The following HIVEP3 variants were observed in gnomAD, a reference collection of about 807,000 sequenced individuals.
HIVEP3 encodes transcription factor HIVEP3.
HIVEP3 carries 49 observed loss-of-function variants against 152.8 expected under a neutral mutation model. That is an observed-to-expected ratio of 0.32 (90% CI 0.26 to 0.41). The LOEUF (loss-of-function observed/expected upper bound fraction) is 0.41, where lower values mean the gene tolerates loss of function less well. Ranked by LOEUF, HIVEP3 falls within the 10% of genes least tolerant of loss-of-function variation. The pLI, the probability that HIVEP3 is intolerant of heterozygous loss-of-function variation, is 1.00. For missense variants in HIVEP3, 2,790 were observed against 3,103.3 expected (o/e 0.90, Z 2.40); for synonymous variants, 1,269 against 1,289.0 (o/e 0.98, Z 0.33).
At chr1:41,588,444 C>T (rs1177372624) in intron 3 of HIVEP3, among the ~76,000 whole-genome samples, 1 of 152,136 alleles carries the variant, frequency 6.6e-6, no homozygotes, top group African/African-American at 2.4e-5. Context: ...GCCTTCTCCC[C>T]TCACTGAGCC....
At chr1:41,866,140 C>G (rs540568019) in intron 1 of HIVEP3, among the ~76,000 whole-genome samples, 1 of 152,176 alleles carries the variant, frequency 6.6e-6, no homozygotes, top group Non-Finnish European at 1.5e-5. Context: ...TCTTCAGCAC[C>G]CTTTACACCA....
intron 1 of HIVEP3, among the ~76,000 whole-genome samples, chr1:41,952,865 T>C (rs1645116672): frequency 6.6e-6 from 1 of 152,212 alleles, no homozygotes; most frequent in Admixed American, 6.5e-5. Flanking sequence ...TTTTTTAGTA[T>C]ACAAGTCAAA....
chr1:41,651,901 C>T (rs1411789995), intron 2 of HIVEP3, among the ~76,000 whole-genome samples: 1 of 152,146 alleles, frequency 6.6e-6, no homozygotes, highest in Non-Finnish European at 1.5e-5. Flanking sequence ...TGTGTACTAT[C>T]TGTTTATCTT....
intron 1 of HIVEP3, among the ~76,000 whole-genome samples, chr1:41,908,275 A>T (rs1557510205): frequency 6.6e-6 from 1 of 152,196 alleles, no homozygotes; most frequent in Non-Finnish European, 1.5e-5. Context: ...CAGCTTTCTC[A>T]ATTTACTAAG....
At chr1:41,553,122 T>C (rs1643914249) in intron 5 of HIVEP3, among the ~76,000 whole-genome samples, 2 of 152,206 alleles carry the variant, frequency 1.3e-5, no homozygotes, top group Admixed American at 6.5e-5. Context: ...ATTATTATTG[T>C]GAGGGAGTCT....
intron 2 of HIVEP3, among the ~76,000 whole-genome samples, chr1:41,652,069 C>T (rs1039782399): frequency 4.6e-5 from 7 of 152,146 alleles, no homozygotes; most frequent in Non-Finnish European, 8.8e-5. Flanking sequence ...CTCAAAGCCC[C>T]GAGAGGTGGT....
chr1:42,000,846 C>A (rs1006054053), intron 1 of HIVEP3, among the ~76,000 whole-genome samples: 4 of 152,166 alleles, frequency 2.6e-5, no homozygotes, highest in African/African-American at 9.7e-5. Flanking sequence ...ATAAGAGTCA[C>A]CTGTTTTAGC....
At chr1:41,681,227 G>A (rs551156443) in intron 2 of HIVEP3, among the ~76,000 whole-genome samples, 1 of 152,112 alleles carries the variant, frequency 6.6e-6, no homozygotes, top group East Asian at 1.9e-4. Flanking sequence ...CTGAGTAGCT[G>A]GGACTACAGG....
chr1:41,522,465 C>A (rs905964848), intron 6 of HIVEP3, among the ~76,000 whole-genome samples: 1 of 152,216 alleles, frequency 6.6e-6, no homozygotes. Context: ...GAGCTCAGGG[C>A]ACTGCTTGAT....
At chr1:41,818,909 C>T (rs1231551819) in intron 1 of HIVEP3, among the ~76,000 whole-genome samples, 2 of 152,134 alleles carry the variant, frequency 1.3e-5, no homozygotes, top group East Asian at 3.8e-4. Context: ...AATTCTGGGG[C>T]AACCTTAACT....
At chr1:41,553,319 A>G (rs576514544) in intron 5 of HIVEP3, among the ~76,000 whole-genome samples, 8 of 151,884 alleles carry the variant, frequency 5.3e-5, no homozygotes, top group Non-Finnish European at 1.2e-4. Context: ...TAGGATTGCA[A>G]CCCCTGCTTT....
At chr1:41,974,821 G>C (rs942191783) in intron 1 of HIVEP3, among the ~76,000 whole-genome samples, 1 of 151,988 alleles carries the variant, frequency 6.6e-6, no homozygotes, top group African/African-American at 2.4e-5. Context: ...AGTCACCATA[G>C]CTTCAGCATC....
rs993312750 is a variant in HIVEP3 at position 42,032,303 on chromosome 1, C to T, written n.119+3504G>A. Among the ~76,000 whole-genome samples the T allele has an allele frequency of 5.9e-5, 9 of 152,146 alleles. No individual in the cohort carries two copies. In the East Asian group the frequency reaches 9.6e-4, roughly 16 times the overall value. On this transcript the variant is annotated intron_variant and non_coding_transcript_variant, in intron 1 of 3. Coordinates refer to the HIVEP3 transcript ENST00000489103. ...AGTCAGAAAGACTCACTGGTGCAGGCGCCATCTCACTGCCACCTCCTTCAC... is the reference window on the plus strand; with the variant it reads ...AGTCAGAAAGACTCACTGGTGCAGGTGCCATCTCACTGCCACCTCCTTCAC...
intron 1 of HIVEP3, among the ~76,000 whole-genome samples, chr1:42,010,903 C>A (rs3845574): frequency 0.68 from 103,140 of 151,842 alleles, 35,670 homozygotes; most frequent in East Asian, 0.96. Flanking sequence ...ACCACTGTTT[C>A]AAAGCTCACT....
rs914575924 is a variant in HIVEP3, at chr1:41,731,977, G to A, written c.-800-30982C>T. ...TCCCCTGACCGAGTGTTTCTCTATG[G>A]AAGGGTCTGGCATGGAACCAGGCCC... On this transcript the variant is annotated intron_variant, in intron 1 of 8. Transcript: ENST00000372583. Among the ~76,000 whole-genome samples, 4 of 152,262 alleles carry A rather than the reference G, an allele frequency of 2.6e-5. No individual in the cohort carries two copies. In the South Asian group the frequency reaches 8.3e-4, roughly 31 times the overall value.
chr1:41,652,907 G>T (rs1570230201), intron 2 of HIVEP3, among the ~76,000 whole-genome samples: 1 of 152,238 alleles, frequency 6.6e-6, no homozygotes, highest in African/African-American at 2.4e-5. Context: ...TTTGTCACAT[G>T]AGCTTGGTTA....
intron 1 of HIVEP3, among the ~76,000 whole-genome samples, chr1:41,974,908 C>G (rs1191249076): frequency 2.0e-5 from 3 of 152,134 alleles, no homozygotes; most frequent in African/African-American, 7.2e-5. Flanking sequence ...CTCCACGCAA[C>G]CTGCCCTTCA....
At chr1:41,756,286 G>A (rs2124233711) in intron 1 of HIVEP3, among the ~76,000 whole-genome samples, 1 of 152,302 alleles carries the variant, frequency 6.6e-6, no homozygotes. Flanking sequence ...CTGGGGGATG[G>A]GAAAAGTATG....
At chr1:42,001,737 T>C (rs1475754908) in intron 1 of HIVEP3, among the ~76,000 whole-genome samples, 1 of 152,172 alleles carries the variant, frequency 6.6e-6, no homozygotes, top group Admixed American at 6.5e-5. Flanking sequence ...ATCTAGATGG[T>C]ATACACCTGT....
Sources: gnomAD v4.1 joint callset for allele counts (sites outside exome capture counted in the v4.1 genomes callset) on GRCh38, gnomAD v4.1.1 for gene constraint, MANE v1.5 for transcripts, NCBI Gene and HGNC (gene_info 2026-07-23, HGNC 2026-07-21) for gene names.